EXT1: variants seen among roughly 807,000 people sequenced by gnomAD.
EXT1 encodes exostosin glycosyltransferase 1, also known as exostosin-1.
In EXT1, 20 loss-of-function variants were observed where a neutral mutation model predicts 82.5. The ratio of observed to expected loss-of-function variants is 0.24; its 90% CI spans 0.17 to 0.35. The LOEUF is 0.35. Ranked by LOEUF, EXT1 falls within the 10% of genes least tolerant of loss-of-function variation. The pLI is 1.00. For synonymous variants in EXT1, 348 were observed against 350.8 expected (o/e 0.99, Z 0.09); for missense variants, 757 against 936.5 (o/e 0.81, Z 2.50).
chr8:118,015,615 G>A (rs1815987300), intron 1 of EXT1, among the ~76,000 whole-genome samples: 1 of 152,140 alleles, frequency 6.6e-6, no homozygotes, highest in African/African-American at 2.4e-5. Flanking sequence ...AGATGTTGGG[G>A]GAAGGAACAC....
intron 1 of EXT1, among the ~76,000 whole-genome samples, chr8:118,038,661 C>T (rs1472384817): frequency 6.6e-6 from 1 of 152,200 alleles, no homozygotes; most frequent in Non-Finnish European, 1.5e-5. Context: ...CTCCTTGTAA[C>T]AACTCCGAAG....
chr8:117,835,786 A>G (rs1812179981), intron 2 of EXT1, among the ~76,000 whole-genome samples: 1 of 152,168 alleles, frequency 6.6e-6, no homozygotes, highest in African/African-American at 2.4e-5. Flanking sequence ...CTAAAACCCC[A>G]TTTCTATTCT....
rs894144726 is a variant in EXT1 at position 117,983,440 on chromosome 8, C to T, written c.962+126645G>A. On this transcript the variant is annotated intron_variant, in intron 1 of 10. Coordinates refer to ENST00000378204, the MANE Select transcript of EXT1 (RefSeq NM_000127.3). ...TTGGCGCTACAGTGAGCAGTGTTCA[C>T]ACCACTGCACTCCAGCCTGGGAGAC... Among the ~76,000 whole-genome samples the T allele has an allele frequency of 3.9e-5, 6 of 152,218 alleles. No homozygotes were observed. The East Asian group carries it at 9.6e-4, about 24-fold the overall frequency.
At chr8:117,946,488 A>T (rs934437415) in intron 1 of EXT1, among the ~76,000 whole-genome samples, 1 of 152,192 alleles carries the variant, frequency 6.6e-6, no homozygotes, top group Non-Finnish European at 1.5e-5. Context: ...CCTGCTCCTG[A>T]AGCTGGTCAC....
At chr8:118,056,603 T>A (rs1816798844) in intron 1 of EXT1, among the ~76,000 whole-genome samples, 1 of 151,642 alleles carries the variant, frequency 6.6e-6, no homozygotes, top group South Asian at 2.1e-4. Flanking sequence ...TGGCCCTGGG[T>A]GAAGGAGAGA....
intron 1 of EXT1, among the ~76,000 whole-genome samples, chr8:117,936,562 A>T (rs1309744273): frequency 6.6e-6 from 1 of 152,344 alleles, no homozygotes; most frequent in Non-Finnish European, 1.5e-5. Context: ...TTTTAGGAAG[A>T]TAAGTTTTCC....
chr8:117,948,461 C>T (rs1484178814), intron 1 of EXT1, among the ~76,000 whole-genome samples: 3 of 152,128 alleles, frequency 2.0e-5, no homozygotes, highest in African/African-American at 7.2e-5. Context: ...GGATCACGGA[C>T]TCCATTCAGA....
chr8:117,855,251 G>A (rs10091596), intron 1 of EXT1, among the ~76,000 whole-genome samples: 14,322 of 152,186 alleles, frequency 0.094, 934 homozygotes, highest in African/African-American at 0.19. Flanking sequence ...ATTGCACTTT[G>A]CAGATCTTGA....
chr8:117,882,980 G>GAA (rs1320976687), intron 1 of EXT1, among the ~76,000 whole-genome samples: 10 of 65,892 alleles, frequency 1.5e-4, no homozygotes, highest in South Asian at 4.6e-4. Flanking sequence ...CTGTCTCAAA[G>GAA]AAAAAAAAAA....
chr8:118,087,065 A>G (rs1817433761), intron 1 of EXT1, among the ~76,000 whole-genome samples: 1 of 152,224 alleles, frequency 6.6e-6, no homozygotes, highest in African/African-American at 2.4e-5. Context: ...ACACAACTTC[A>G]GAGGATGAAT....
intron 1 of EXT1, among the ~76,000 whole-genome samples, chr8:117,961,275 G>A (rs1418104158): frequency 6.6e-6 from 1 of 152,226 alleles, no homozygotes; most frequent in Admixed American, 6.5e-5. Flanking sequence ...CTCCAGAACA[G>A]CTGGGACTAC....
chr8:117,851,196 T>C (rs1350274223), intron 1 of EXT1, among the ~76,000 whole-genome samples: 7 of 151,512 alleles, frequency 4.6e-5, no homozygotes, highest in African/African-American at 1.5e-4. Context: ...AGTCCAAATA[T>C]CCAGATGAAA....
intron 1 of EXT1, among the ~76,000 whole-genome samples, chr8:118,067,168 T>C (rs1817003536): frequency 6.6e-6 from 1 of 152,174 alleles, no homozygotes; most frequent in African/African-American, 2.4e-5. Context: ...GACTCTCAAG[T>C]CTAAACTTCA....
chr8:118,064,116 G>A (rs1019386599), intron 1 of EXT1, among the ~76,000 whole-genome samples: 3 of 152,098 alleles, frequency 2.0e-5, no homozygotes, highest in South Asian at 2.1e-4. Flanking sequence ...CATCCGCCTC[G>A]GCCTCTGAAA....
In EXT1 at chr8:118,110,329, C is replaced by G. The variant is rs759603929; in HGVS notation, c.718G>C (p.Asp240His). The G allele has an allele frequency of 6.2e-7, 1 of 1,614,154 alleles. No homozygotes were observed. Among genetic ancestry groups the G allele is most frequent in the Non-Finnish European group, 8.5e-7 (1 of 1,180,038 alleles). The change falls in exon 1 of 11, where the codon GAT (aspartate) becomes CAT (histidine). Residue 240 changes from aspartate (D) to histidine (H), a missense_variant. By Grantham distance (81) the Asp-to-His change is moderately conservative. Transcript: ENST00000378204. ...FDVSIPLFSK[D>H]HPRTGGERGF... ...CTCTCCCCTCCTGTCCTGGGATGAT[C>G]CTTAGAAAAGAGGGGAATAGAAACA...
In EXT1 at chr8:117,798,481, TC is replaced by T. The variant is rs1823116248; in HGVS notation, c.*1230del. The T allele has an allele frequency of 1.3e-5, 2 of 152,294 alleles. No individual in the cohort carries two copies. Among genetic ancestry groups the T allele is most frequent in the Admixed American group, 1.3e-4 (2 of 15,286 alleles). The allele number at this position is 152,294 out of a possible 1,614,324, so 9.4% of individuals were successfully genotyped here. On this transcript the variant is annotated 3_prime_UTR_variant, in exon 11 of 11. Coordinates refer to ENST00000378204, the MANE Select transcript of EXT1 (RefSeq NM_000127.3). The stretch of plus-strand genomic sequence containing the variant: ...ATAGCATTTTCAGGGATAGAAATGT[TC>T]TTTTTAACAAGAAGCACAACTAAAC...
At chr8:117,804,635 G>A (rs903771009) in intron 10 of EXT1, 87 bp downstream of exon 10, 64 of 1,443,750 alleles carry the variant, frequency 4.4e-5, no homozygotes, top group Non-Finnish European at 5.7e-5. Flanking sequence ...GCTCCTGGGT[G>A]GAACAGCTAG....
chr8:117,897,706 C>T lies in EXT1; in HGVS notation c.963-60505G>A, dbSNP rs571965593. ...GCCTCCTGGGTTCAAGCAATTCTCC[C>T]GCCTCAGCCTTCCGAGTAGCTGGGA... On this transcript the variant is annotated intron_variant, in intron 1 of 10. Transcript: ENST00000378204. 5.0e-4 allele frequency among the ~76,000 whole-genome samples: 75 copies of T among 149,168 alleles called. 1 individual carries two copies. The highest frequency in any genetic ancestry group is 3.7e-3 in the South Asian group (17 of 4,608).
chr8:117,999,669 C>T (rs1254188241), intron 1 of EXT1, among the ~76,000 whole-genome samples: 1 of 152,166 alleles, frequency 6.6e-6, no homozygotes, highest in African/African-American at 2.4e-5. Context: ...AAAGGACTAT[C>T]TCACTGCAGG....
Sources: gnomAD v4.1 joint callset for allele counts (sites outside exome capture counted in the v4.1 genomes callset) on GRCh38, gnomAD v4.1.1 for gene constraint, MANE v1.5 for transcripts, NCBI Gene and HGNC (gene_info 2026-07-23, HGNC 2026-07-21) for gene names.